Variants in SRBD1 observed in about 807,000 individuals in gnomAD.
SRBD1 encodes the protein S1 RNA-binding domain-containing protein 1.
In SRBD1, 88 loss-of-function variants were observed where a neutral mutation model predicts 115.3. The ratio of observed to expected loss-of-function variants is 0.76; its 90% CI spans 0.64 to 0.91. SRBD1 has a LOEUF of 0.91. Ranked by LOEUF, SRBD1 falls within the 40% of genes least tolerant of loss-of-function variation. The probability of loss-of-function intolerance (pLI) is 0.00; values close to 1 mark genes in which losing one functional copy is unlikely to be tolerated. For missense variants in SRBD1, 1,385 were observed against 1,177.4 expected (o/e 1.18, Z -2.58); for synonymous variants, 509 against 407.7 (o/e 1.25, Z -2.99).
intron 16 of SRBD1, among the ~76,000 whole-genome samples, chr2:45,467,688 TA>T (rs1669531776): frequency 6.6e-6 from 1 of 152,184 alleles, no homozygotes; most frequent in African/African-American, 2.4e-5. Flanking sequence ...CGTGCAACAT[TA>T]GGGGCTTGAG....
intron 4 of SRBD1, among the ~76,000 whole-genome samples, chr2:45,596,235 C>A (rs569052590): frequency 4.9e-4 from 75 of 152,290 alleles, no homozygotes; most frequent in African/African-American, 1.6e-3. Flanking sequence ...CAGCTGGGCA[C>A]CTATCGCTCA....
chr2:45,606,156 T>TC (rs1674266528), intron 1 of SRBD1, among the ~76,000 whole-genome samples: 1 of 109,340 alleles, frequency 9.1e-6, no homozygotes, highest in Admixed American at 1.0e-4. Flanking sequence ...TTTTTCCTAT[T>TC]CTTTTTTTTT....
Position 45,558,484 on chromosome 2 carries a change from T to C in SRBD1, c.1409+4169A>G, listed in dbSNP as rs187007395. Among the ~76,000 whole-genome samples, 5 of 152,254 alleles carry C rather than the reference T, an allele frequency of 3.3e-5. 1 individual carries two copies. The highest frequency in any genetic ancestry group is 1.9e-4 in the East Asian group (1 of 5,190). ...GTAACATACAATTCCAAATGAGGAA[T>C]TGTTCATTTGCTGAATCTGGACCTA... On this transcript the variant is annotated intron_variant, in intron 10 of 20. Transcript: ENST00000263736.
chr2:45,437,281 G>C (rs371353827), intron 16 of SRBD1, among the ~76,000 whole-genome samples: 1 of 147,162 alleles, frequency 6.8e-6, no homozygotes, highest in Non-Finnish European at 1.5e-5. Context: ...AGAGAATGAA[G>C]TCAAAGAACT....
chr2:45,488,616 T>C (rs1572695145), intron 14 of SRBD1, among the ~76,000 whole-genome samples: 2 of 152,308 alleles, frequency 1.3e-5, no homozygotes, highest in East Asian at 3.9e-4. Context: ...GGTTTATAGA[T>C]TAATACAATG....
chr2:45,521,114 C>T (rs1001217197), intron 14 of SRBD1, among the ~76,000 whole-genome samples: 2 of 152,104 alleles, frequency 1.3e-5, no homozygotes, highest in African/African-American at 4.8e-5. Context: ...AGCAACTAAA[C>T]AGACAAGCCA....
chr2:45,604,835 C>A (rs1326214198), intron 2 of SRBD1, among the ~76,000 whole-genome samples: 2 of 152,280 alleles, frequency 1.3e-5, no homozygotes, highest in Admixed American at 1.3e-4. Flanking sequence ...TATTACCAGT[C>A]ATTTACTTAA....
intron 16 of SRBD1, among the ~76,000 whole-genome samples, chr2:45,431,301 T>C (rs947574778): frequency 5.3e-5 from 8 of 152,180 alleles, no homozygotes; most frequent in African/African-American, 1.7e-4. Context: ...CATTACTGGG[T>C]ATATACTCAG....
At chr2:45,443,805 GAAAAAAAA>G (rs10611144) in intron 16 of SRBD1, among the ~76,000 whole-genome samples, 1 of 130,742 alleles carries the variant, frequency 7.6e-6, no homozygotes, top group Non-Finnish European at 1.6e-5. Flanking sequence ...AAGTTATTTT[GAAAAAAAA>G]AAAAAAAAAG....
chr2:45,403,916 G>T (rs948808416), intron 19 of SRBD1, among the ~76,000 whole-genome samples: 1 of 152,028 alleles, frequency 6.6e-6, no homozygotes, highest in Non-Finnish European at 1.5e-5. Context: ...TCTGAATTTT[G>T]TTGATGATTT....
chr2:45,546,243 T>A (rs964253082), intron 14 of SRBD1: 1 of 985,414 alleles, frequency 1.0e-6, no homozygotes, highest in African/African-American at 1.7e-5. Flanking sequence ...TATGCCTATA[T>A]GAAATAAAAG....
chr2:45,421,510 C>CAAAAAAA (rs869298079), intron 16 of SRBD1, among the ~76,000 whole-genome samples: 24 of 22,288 alleles, frequency 1.1e-3, no homozygotes, highest in East Asian at 1.6e-3. Flanking sequence ...CCGTCTCAAA[C>CAAAAAAA]AAAAAAAAAA....
intron 14 of SRBD1, among the ~76,000 whole-genome samples, chr2:45,492,630 G>A (rs892710576): frequency 6.6e-6 from 1 of 152,118 alleles, no homozygotes; most frequent in African/African-American, 2.4e-5. Context: ...TAGTAGAGAC[G>A]GGGTTTCACC....
At position 45,551,263 on chromosome 2, in the gene SRBD1, C is replaced by A; in HGVS notation, c.1537G>T (p.Ala513Ser). 6.3e-7 allele frequency: 1 copy of A among 1,599,964 alleles called. No homozygotes were observed. Among genetic ancestry groups the A allele is most frequent in the Non-Finnish European group, 8.5e-7 (1 of 1,177,168 alleles). Residue 513 changes from alanine to serine, a missense_variant, in exon 12 of 21, where the codon GCA becomes TCA. Ala to Ser is a moderately conservative substitution (Grantham distance 99). Transcript: ENST00000263736. ...REFRAKLTSD[A>S]EKESVMMFGR... Reference sequence around the variant, plus strand: ...AACATCATTACTGATTCCTTCTCTGCATCTGATGTTAGTTTGGCTCTTTAG... The same window carrying A: ...AACATCATTACTGATTCCTTCTCTGAATCTGATGTTAGTTTGGCTCTTTAG...
chr2:45,442,622 A>C (rs1668704058), intron 16 of SRBD1, among the ~76,000 whole-genome samples: 2 of 152,256 alleles, frequency 1.3e-5, no homozygotes, highest in Non-Finnish European at 1.5e-5. Flanking sequence ...TTGGTCCTTA[A>C]AGAAACAGCT....
intron 9 of SRBD1, among the ~76,000 whole-genome samples, chr2:45,572,723 A>G (rs17394793): frequency 0.11 from 16,735 of 152,200 alleles, 954 homozygotes; most frequent in Middle Eastern, 0.15. Context: ...TAAAAGCCAC[A>G]TTCCACAATG....
intron 16 of SRBD1, among the ~76,000 whole-genome samples, chr2:45,474,139 T>G (rs1273033815): frequency 6.6e-6 from 1 of 152,238 alleles, no homozygotes; most frequent in East Asian, 1.9e-4. Flanking sequence ...TACATATTTC[T>G]TTATAAATGC....
chr2:45,436,364 C>T (rs1314534505), intron 16 of SRBD1, among the ~76,000 whole-genome samples: 1 of 152,174 alleles, frequency 6.6e-6, no homozygotes, highest in African/African-American at 2.4e-5. Flanking sequence ...ACAAGGATGT[C>T]CCTTCTTACC....
intron 2 of SRBD1, among the ~76,000 whole-genome samples, chr2:45,604,395 G>A (rs1572832358): frequency 2.7e-5 from 4 of 150,824 alleles, no homozygotes; most frequent in Admixed American, 2.6e-4. Context: ...GGGGGGTGGA[G>A]GAAGGGGAGG....
Sources: gnomAD v4.1 joint callset for allele counts (sites outside exome capture counted in the v4.1 genomes callset) on GRCh38, gnomAD v4.1.1 for gene constraint, MANE v1.5 for transcripts, NCBI Gene and HGNC (gene_info 2026-07-23, HGNC 2026-07-21) for gene names.